Variants in ABLIM3 observed in about 807,000 individuals in gnomAD.
ABLIM3 encodes actin-binding LIM protein 3.
A neutral mutation model predicts 109.5 loss-of-function variants in ABLIM3; 61 were observed. The ratio of observed to expected loss-of-function variants is 0.56; its 90% CI spans 0.45 to 0.69. The LOEUF is 0.69. Ranked by LOEUF, ABLIM3 falls within the 30% of genes least tolerant of loss-of-function variation. The pLI is 0.00. For missense variants in ABLIM3, 796 were observed against 889.5 expected (o/e 0.89, Z 1.34); for synonymous variants, 300 against 324.8 (o/e 0.92, Z 0.82).
chr5:149,230,995 A>C (rs1476990157), intron 9 of ABLIM3, among the ~76,000 whole-genome samples: 1 of 152,202 alleles, frequency 6.6e-6, no homozygotes, highest in Non-Finnish European at 1.5e-5. Flanking sequence ...CCAAGATGGC[A>C]GCCTCGCTGA....
At chr5:149,195,233 C>CAA (rs1386897582) in intron 3 of ABLIM3, among the ~76,000 whole-genome samples, 21 of 152,224 alleles carry the variant, frequency 1.4e-4, no homozygotes, top group Non-Finnish European at 4.4e-5. Context: ...AGACCACAGA[C>CAA]AAAGGTCCAA....
At chr5:149,146,618 T>C (rs527391182) in intron 2 of ABLIM3, among the ~76,000 whole-genome samples, 17 of 152,362 alleles carry the variant, frequency 1.1e-4, no homozygotes, top group Admixed American at 2.6e-4. Context: ...AAAGATCAGA[T>C]GGCTGTAGGT....
chr5:149,213,049 G>A (rs1759713619), intron 7 of ABLIM3, among the ~76,000 whole-genome samples: 2 of 152,254 alleles, frequency 1.3e-5, no homozygotes, highest in Middle Eastern at 3.4e-3. Flanking sequence ...AGAGGTGGAG[G>A]TTGCAATAAG....
chr5:149,144,353 C>A (rs1189030249), intron 2 of ABLIM3, among the ~76,000 whole-genome samples: 1 of 152,128 alleles, frequency 6.6e-6, no homozygotes, highest in Non-Finnish European at 1.5e-5. Flanking sequence ...CACGAGTCTG[C>A]AAATGCAGAG....
intron 21 of ABLIM3, among the ~76,000 whole-genome samples, chr5:149,251,788 C>A (rs1753952958): frequency 6.6e-6 from 1 of 152,212 alleles, no homozygotes; most frequent in South Asian, 2.1e-4. Flanking sequence ...GAGCTTCCTG[C>A]TCTCTGCCAG....
chr5:149,210,361 G>A (rs1759418893), intron 6 of ABLIM3, among the ~76,000 whole-genome samples: 1 of 152,172 alleles, frequency 6.6e-6, no homozygotes, highest in Non-Finnish European at 1.5e-5. Context: ...TAATAATTCT[G>A]ACTCATAGGG....
At chr5:149,152,673 C>T (rs755444284) in intron 2 of ABLIM3, among the ~76,000 whole-genome samples, 9 of 152,042 alleles carry the variant, frequency 5.9e-5, no homozygotes, top group African/African-American at 1.7e-4. Flanking sequence ...CAAAAGAGGG[C>T]GTCTGAGGAG....
At chr5:149,219,038 T>A (rs1760381725) in intron 8 of ABLIM3, 1 of 152,280 alleles carries the variant, frequency 6.6e-6, no homozygotes, top group African/African-American at 2.4e-5. Context: ...AGGGAGTGTG[T>A]CAGTATCAGC....
At chr5:149,201,486 C>T (rs1174704954) in intron 5 of ABLIM3, among the ~76,000 whole-genome samples, 1 of 152,102 alleles carries the variant, frequency 6.6e-6, no homozygotes. Context: ...GGGCTTAGCT[C>T]CCAGGGGCTC....
At chr5:149,250,677 A>C (rs1177749991) in intron 20 of ABLIM3, among the ~76,000 whole-genome samples, 172 bp downstream of exon 20, 2 of 152,166 alleles carry the variant, frequency 1.3e-5, no homozygotes, top group Non-Finnish European at 2.9e-5. Context: ...CCCCTTCGTG[A>C]AAAGGGGCCC....
Position 149,142,046 on chromosome 5 carries a change from G to A in ABLIM3, c.-50G>A. 1 of 1,614,066 alleles carries A rather than the reference G, an allele frequency of 6.2e-7. No individual in the cohort carries two copies. The highest frequency in any genetic ancestry group is 8.5e-7 in the Non-Finnish European group (1 of 1,179,992). ...GTTCGAAGAACGGAAGATTTAAAAA[G>A]CAGCCGGGGCCTCCGTATTGAATGA... On this transcript the variant is annotated 5_prime_UTR_variant, in exon 2 of 24. Transcript: ENST00000309868.
In ABLIM3 at chr5:149,198,777, G is replaced by C. The variant is rs1421732832; in HGVS notation, c.335+375G>C. 1.3e-5 allele frequency among the ~76,000 whole-genome samples: 2 copies of C among 152,132 alleles called. No homozygotes were observed. Among genetic ancestry groups the C allele is most frequent in the African/African-American group, 4.8e-5 (2 of 41,406 alleles). On this transcript the variant is annotated intron_variant, in intron 4 of 23. Transcript: ENST00000309868. This position sits in a 1 kb window ranked among gnomAD's most constrained non-coding sequence, Gnocchi z 4.2. ...CTCCCACACCCTCATCCACAGGTGG[G>C]ACAGGGATGTCTGTACATAGCCTTC...
chr5:149,200,283 G>A, intron 4 of ABLIM3, 33 bp from the exon 5 acceptor site: 3 of 1,581,710 alleles, frequency 1.9e-6, no homozygotes, highest in Non-Finnish European at 1.7e-6. Context: ...TCAGAAGAGG[G>A]TGTGTTGAAT....
At chr5:149,154,680 G>A (rs1048156055) in intron 2 of ABLIM3, among the ~76,000 whole-genome samples, 10 of 152,178 alleles carry the variant, frequency 6.6e-5, no homozygotes, top group African/African-American at 2.4e-4. Flanking sequence ...GCTTACCATA[G>A]TCAGTGATTA....
At chr5:149,213,506 G>C (rs1054556963) in intron 7 of ABLIM3, among the ~76,000 whole-genome samples, 2 of 152,208 alleles carry the variant, frequency 1.3e-5, no homozygotes, top group African/African-American at 4.8e-5. Context: ...TCGTTTGTTG[G>C]CTTTGCAGAA....
chr5:149,227,281 C>A (rs1305010298), intron 8 of ABLIM3, among the ~76,000 whole-genome samples: 1 of 152,184 alleles, frequency 6.6e-6, no homozygotes, highest in African/African-American at 2.4e-5. Flanking sequence ...AGATTAACAT[C>A]TCTATCTCTG....
At chr5:149,141,840 A>C in intron 1 of ABLIM3, 169 bp from the exon 2 acceptor site, 1 of 559,794 alleles carries the variant, frequency 1.8e-6, no homozygotes, top group Non-Finnish European at 3.2e-6. Flanking sequence ...GAGCAGGAGG[A>C]CCGGGGCGCC....
chr5:149,254,842 G>A (rs1321958827), intron 23 of ABLIM3, among the ~76,000 whole-genome samples: 2 of 152,080 alleles, frequency 1.3e-5, no homozygotes, highest in Non-Finnish European at 2.9e-5. Context: ...TACCATACAG[G>A]GGCCCCACAG....
intron 2 of ABLIM3, among the ~76,000 whole-genome samples, chr5:149,147,109 G>A (rs887010733): frequency 3.3e-5 from 5 of 150,552 alleles, no homozygotes; most frequent in African/African-American, 1.2e-4. Flanking sequence ...CTCGCTCTCT[G>A]TGTATGTGTG....
Sources: gnomAD v4.1 joint callset for allele counts (sites outside exome capture counted in the v4.1 genomes callset) on GRCh38, gnomAD v4.1.1 for gene constraint, Gnocchi (gnomAD v3.1) non-coding constraint, MANE v1.5 for transcripts, NCBI Gene and HGNC (gene_info 2026-07-23, HGNC 2026-07-21) for gene names.